CCDC178: variants seen among roughly 807,000 people sequenced by gnomAD.
CCDC178 encodes the protein coiled-coil domain-containing protein 178.
A neutral mutation model predicts 117.4 loss-of-function variants in CCDC178; 126 were observed. That is an observed-to-expected ratio of 1.07 (90% confidence interval 0.93 to 1.24). The LOEUF is 1.24. Among genes scored for constraint, CCDC178 ranks in the 50% most tolerant of loss-of-function variants. The pLI, the probability that CCDC178 is intolerant of heterozygous loss-of-function variation, is 0.00. For synonymous variants in CCDC178, 283 were observed against 313.4 expected, an observed-to-expected ratio of 0.90 and a Z score of 1.02; for missense variants, 1,030 against 986.9, an observed-to-expected ratio of 1.04 and a Z score of -0.59.
At chr18:33,057,383 A>T (rs1264360304) in intron 21 of CCDC178, among the ~76,000 whole-genome samples, 1 of 152,224 alleles carries the variant, frequency 6.6e-6, no homozygotes, top group African/African-American at 2.4e-5. Context: ...CATATAAGGC[A>T]CTGTTGGGTT....
At chr18:33,157,764 T>C (rs2058418249) in intron 20 of CCDC178, among the ~76,000 whole-genome samples, 1 of 152,110 alleles carries the variant, frequency 6.6e-6, no homozygotes, top group African/African-American at 2.4e-5. Flanking sequence ...GGTTTAAATA[T>C]TCTATACCTT....
At chr18:32,940,939 A>G (rs925108484) in intron 22 of CCDC178, among the ~76,000 whole-genome samples, 7 of 152,032 alleles carry the variant, frequency 4.6e-5, no homozygotes, top group African/African-American at 9.7e-5. Context: ...CTGGGGAGAC[A>G]TAGGAGGTAG....
intron 2 of CCDC178, among the ~76,000 whole-genome samples, chr18:33,432,882 T>C (rs957958164): frequency 1.3e-5 from 2 of 152,228 alleles, no homozygotes; most frequent in African/African-American, 4.8e-5. Context: ...CATTGATTAA[T>C]GTGGTATTAA....
At chr18:33,339,480 A>G (rs1426936795) in intron 9 of CCDC178, among the ~76,000 whole-genome samples, 1 of 151,102 alleles carries the variant, frequency 6.6e-6, no homozygotes, top group Admixed American at 6.6e-5. Context: ...AAACTAGATA[A>G]CTACAATAAA....
chr18:32,963,809 T>C (rs1427804291), intron 22 of CCDC178, among the ~76,000 whole-genome samples: 1 of 152,030 alleles, frequency 6.6e-6, no homozygotes, highest in Non-Finnish European at 1.5e-5. Flanking sequence ...ACAGAGAGTA[T>C]GTCTTCTACC....
intron 22 of CCDC178, among the ~76,000 whole-genome samples, chr18:32,949,581 A>T (rs571124291): frequency 6.6e-6 from 1 of 152,090 alleles, no homozygotes; most frequent in Non-Finnish European, 1.5e-5. Flanking sequence ...TAGAAGTTCA[A>T]TTGGGTCCTT....
chr18:33,085,680 T>G (rs2057368936), intron 21 of CCDC178, among the ~76,000 whole-genome samples: 1 of 152,172 alleles, frequency 6.6e-6, no homozygotes, highest in African/African-American at 2.4e-5. Flanking sequence ...TAGTGCTTCA[T>G]AAATAGTAAT....
chr18:33,375,426 G>A (rs555558070), intron 5 of CCDC178, among the ~76,000 whole-genome samples: 1 of 152,160 alleles, frequency 6.6e-6, no homozygotes, highest in South Asian at 2.1e-4. Context: ...TTGCAAAAAT[G>A]TACAAATTTC....
chr18:32,992,043 A>C (rs1258885029), intron 21 of CCDC178, among the ~76,000 whole-genome samples: 4 of 152,254 alleles, frequency 2.6e-5, no homozygotes, highest in African/African-American at 9.6e-5. Flanking sequence ...GTCAACATGT[A>C]GAAACTTGGT....
Position 33,180,530 on chromosome 18 carries a change from A to C in CCDC178, c.2238+31366T>G, listed in dbSNP as rs540453365. Among the ~76,000 whole-genome samples, 115 of 152,094 alleles carry C rather than the reference A, an allele frequency of 7.6e-4. 1 individual carries two copies. The highest frequency in any genetic ancestry group is 2.7e-3 in the African/African-American group (111 of 41,562). ...CTGGAAGAAATAGACTTAGAATAAAAATTACATTTTTCTGTCTATGTGTTG... is the reference window on the plus strand; with the variant it reads ...CTGGAAGAAATAGACTTAGAATAAACATTACATTTTTCTGTCTATGTGTTG... On this transcript the variant is annotated intron_variant, in intron 20 of 22. Coordinates refer to ENST00000383096, the MANE Select transcript of CCDC178 (RefSeq NM_001105528.4).
intron 21 of CCDC178, among the ~76,000 whole-genome samples, chr18:32,975,280 C>T (rs939500953): frequency 1.3e-5 from 2 of 152,104 alleles, no homozygotes; most frequent in East Asian, 1.9e-4. Context: ...AATCTACCTC[C>T]CTCTGACCAT....
intron 21 of CCDC178, among the ~76,000 whole-genome samples, chr18:33,057,040 A>C (rs374773856): frequency 7.7e-4 from 117 of 152,160 alleles, no homozygotes; most frequent in African/African-American, 2.8e-3. Flanking sequence ...AAAAAGTCAA[A>C]ACTTTACAAT....
intron 21 of CCDC178, among the ~76,000 whole-genome samples, chr18:33,029,462 G>C (rs1336273303): frequency 6.6e-6 from 1 of 151,696 alleles, no homozygotes; most frequent in Admixed American, 6.6e-5. Flanking sequence ...TCAGTTTTTT[G>C]ATTTCACTGT....
chr18:33,088,514 A>T (rs2057416106), intron 21 of CCDC178, among the ~76,000 whole-genome samples: 1 of 152,118 alleles, frequency 6.6e-6, no homozygotes, highest in Non-Finnish European at 1.5e-5. Flanking sequence ...ATTTTGTTAA[A>T]TTCACTTTAT....
chr18:33,099,401 T>C (rs2057590885), intron 20 of CCDC178, among the ~76,000 whole-genome samples: 1 of 152,002 alleles, frequency 6.6e-6, no homozygotes, highest in Admixed American at 6.6e-5. Context: ...TAGTTTTGCA[T>C]ACCGTGAGGC....
At chr18:32,939,689 C>G (rs918384541) in intron 22 of CCDC178, among the ~76,000 whole-genome samples, 1 of 152,064 alleles carries the variant, frequency 6.6e-6, no homozygotes, top group Non-Finnish European at 1.5e-5. Flanking sequence ...AAAAATCCAC[C>G]TGTATTTTAT....
chr18:33,027,810 A>G (rs1002457478), intron 21 of CCDC178, among the ~76,000 whole-genome samples: 6 of 151,708 alleles, frequency 4.0e-5, no homozygotes, highest in Non-Finnish European at 5.9e-5. Context: ...TCAGTGGAAT[A>G]AAGCTACAAA....
intron 11 of CCDC178, among the ~76,000 whole-genome samples, chr18:33,300,990 G>A (rs2144907606): frequency 6.6e-6 from 1 of 152,282 alleles, no homozygotes; most frequent in South Asian, 2.1e-4. Flanking sequence ...AGACTTTCAA[G>A]GCATTACAGA....
chr18:33,353,945 C>T (rs2063014990), intron 7 of CCDC178, among the ~76,000 whole-genome samples: 1 of 152,068 alleles, frequency 6.6e-6, no homozygotes, highest in Non-Finnish European at 1.5e-5. Flanking sequence ...GCCTGAAAGA[C>T]TACTTATAGG....
Sources: gnomAD v4.1 joint callset for allele counts (sites outside exome capture counted in the v4.1 genomes callset) on GRCh38, gnomAD v4.1.1 for gene constraint, MANE v1.5 for transcripts, NCBI Gene and HGNC (gene_info 2026-07-23, HGNC 2026-07-21) for gene names.